Variants in CDH4 observed in about 807,000 individuals in gnomAD.
CDH4 encodes the protein cadherin 4, also known as cadherin-4.
Under a neutral mutation model 86.0 loss-of-function variants are expected in CDH4, and 33 were observed. The ratio of observed to expected loss-of-function variants is 0.38; its 90% CI spans 0.29 to 0.51. CDH4 has a LOEUF of 0.51. CDH4 is among the 20% of genes least tolerant of loss of function. CDH4 has a pLI of 0.86. For synonymous variants in CDH4, 555 were observed against 549.4 expected (o/e 1.01, Z -0.14); for missense variants, 1,114 against 1,307.4 (o/e 0.85, Z 2.28).
At chr20:61,872,647 A>G (rs1162299361) in intron 6 of CDH4, among the ~76,000 whole-genome samples, 1 of 152,180 alleles carries the variant, frequency 6.6e-6, no homozygotes, top group Non-Finnish European at 1.5e-5. Context: ...CCGAGCTTCC[A>G]GAGTTCTGGG....
At chr20:61,710,424 A>G (rs996865116) in intron 2 of CDH4, among the ~76,000 whole-genome samples, 3 of 152,200 alleles carry the variant, frequency 2.0e-5, no homozygotes, top group Non-Finnish European at 4.4e-5. Flanking sequence ...CCCAGCCTCT[A>G]TCTGTGTGCA....
chr20:61,598,532 G>C (rs954631075), intron 2 of CDH4, among the ~76,000 whole-genome samples: 5 of 152,152 alleles, frequency 3.3e-5, no homozygotes, highest in African/African-American at 1.2e-4. Context: ...CTGAGTGGCC[G>C]AAACAGGGAG....
intron 2 of CDH4, among the ~76,000 whole-genome samples, chr20:61,457,991 C>T (rs2085418579): frequency 6.7e-6 from 1 of 148,540 alleles, no homozygotes; most frequent in South Asian, 2.2e-4. Context: ...ACAGTGCTGA[C>T]ACTGGTGGTG....
At chr20:61,571,213 G>A (rs1356144107) in intron 2 of CDH4, among the ~76,000 whole-genome samples, 1 of 152,164 alleles carries the variant, frequency 6.6e-6, no homozygotes, top group Admixed American at 6.5e-5. Context: ...GTTCTCTGTG[G>A]TGTTTCCCTT....
At position 61,937,111 on chromosome 20, in the gene CDH4, C is replaced by A. The variant is rs867837247; in HGVS notation, c.*168C>A. ...TGTCTAGCATGAGCACCCACCCCCA[C>A]AGCGCCCTGCACCCGGCCGCTGCCC... is the stretch of plus-strand genomic sequence containing the variant. On this transcript the variant is annotated 3_prime_UTR_variant, in exon 16 of 16. Transcript: ENST00000614565. 5.8e-5 allele frequency: 28 copies of A among 482,922 alleles called. No homozygotes were observed. Among genetic ancestry groups the A allele is most frequent in the African/African-American group, 4.4e-4 (22 of 49,642 alleles). 29.9% of individuals were successfully genotyped at this position (482,922 alleles called of 1,614,324 possible).
At chr20:61,860,551 T>C (rs531283077) in intron 6 of CDH4, among the ~76,000 whole-genome samples, 72 of 151,988 alleles carry the variant, frequency 4.7e-4, no homozygotes, top group Non-Finnish European at 9.0e-4. Context: ...TCCCAGGAGA[T>C]GTCTGGGAGG....
intron 2 of CDH4, among the ~76,000 whole-genome samples, chr20:61,698,939 C>T (rs140485813): frequency 6.7e-4 from 102 of 152,350 alleles, no homozygotes; most frequent in African/African-American, 2.1e-3. Context: ...CTACTCACTT[C>T]GCATATGCAA....
chr20:61,385,497 G>A (rs936962118), intron 2 of CDH4, among the ~76,000 whole-genome samples: 13 of 152,080 alleles, frequency 8.5e-5, no homozygotes, highest in African/African-American at 1.4e-4. Flanking sequence ...ATTCTTGAAC[G>A]CTTCCTGTCT....
At chr20:61,868,238 G>A (rs753970091) in intron 6 of CDH4, among the ~76,000 whole-genome samples, 2 of 152,196 alleles carry the variant, frequency 1.3e-5, no homozygotes, top group Non-Finnish European at 2.9e-5. Context: ...TTCCCAGGGC[G>A]GGCATCCTGG....
At chr20:61,270,293 G>A (rs927418055) in intron 2 of CDH4, among the ~76,000 whole-genome samples, 1 of 152,222 alleles carries the variant, frequency 6.6e-6, no homozygotes, top group African/African-American at 2.4e-5. Flanking sequence ...TTAGAAGTAA[G>A]TTGTTCTGAG....
intron 2 of CDH4, among the ~76,000 whole-genome samples, chr20:61,311,007 T>C (rs2084442527): frequency 6.6e-6 from 1 of 152,128 alleles, no homozygotes; most frequent in Admixed American, 6.5e-5. Context: ...CCCTAACGCT[T>C]CCCAAGGTGT....
intron 3 of CDH4, among the ~76,000 whole-genome samples, chr20:61,765,901 C>T (rs67803709): frequency 0.29 from 44,469 of 151,876 alleles, 7,232 homozygotes; most frequent in East Asian, 0.48. Flanking sequence ...CACCTGCCTT[C>T]CCTGGAGCAG....
intron 2 of CDH4, chr20:61,717,369 G>A (rs73611558): frequency 0.11 from 16,040 of 152,404 alleles, 1,132 homozygotes; most frequent in South Asian, 0.27. Context: ...CTCTGAGCAC[G>A]GGGACTCTTT....
intron 6 of CDH4, among the ~76,000 whole-genome samples, chr20:61,862,849 G>A (rs1325955512): frequency 6.6e-6 from 1 of 152,152 alleles, no homozygotes; most frequent in Non-Finnish European, 1.5e-5. Context: ...AAAAAGCAGG[G>A]AAATCTGCGT....
chr20:61,480,314 C>T lies in CDH4; in HGVS notation c.169+225377C>T, dbSNP rs544604641. On this transcript the variant is annotated intron_variant, in intron 2 of 15. Transcript: ENST00000614565. The surrounding 1 kb of genome is among the most constrained non-coding windows in gnomAD (Gnocchi z 5.2). ...CTGTGGCGCCCCCTGGCTGTGTCCT[C>T]TGCTTGGGCCACTGCCCTGTGCCAC... 5.3e-5 allele frequency among the ~76,000 whole-genome samples: 8 copies of T among 152,306 alleles called. No individual in the cohort carries two copies. Among genetic ancestry groups the T allele is most frequent in the African/African-American group, 1.7e-4 (7 of 41,574 alleles).
chr20:61,379,182 G>A (rs1171699718), intron 2 of CDH4, among the ~76,000 whole-genome samples: 2 of 152,080 alleles, frequency 1.3e-5, no homozygotes, highest in African/African-American at 4.8e-5. Context: ...CTAACACCAG[G>A]GTGTGAAAAC....
chr20:61,848,608 C>T (rs1982571596), intron 5 of CDH4, among the ~76,000 whole-genome samples: 1 of 152,208 alleles, frequency 6.6e-6, no homozygotes, highest in African/African-American at 2.4e-5. Context: ...TCACTGCAAC[C>T]TCCGCCTCAC....
At chr20:61,907,444 G>C (rs2054802121) in intron 8 of CDH4, among the ~76,000 whole-genome samples, 1 of 152,084 alleles carries the variant, frequency 6.6e-6, no homozygotes, top group African/African-American at 2.4e-5. Flanking sequence ...GCAGCTCCCT[G>C]TACCTCACTC....
intron 2 of CDH4, among the ~76,000 whole-genome samples, chr20:61,660,356 T>C (rs1465195356): frequency 6.6e-6 from 1 of 152,246 alleles, no homozygotes; most frequent in Admixed American, 6.5e-5. Context: ...TAATTCACTT[T>C]GGTGCTCCTA....
Sources: allele counts gnomAD v4.1 joint callset (sites outside exome capture counted in the v4.1 genomes callset), GRCh38; gene constraint gnomAD v4.1.1; non-coding constraint Gnocchi (gnomAD v3.1); transcripts MANE v1.5; gene names NCBI Gene and HGNC (gene_info 2026-07-23, HGNC 2026-07-21).